The following RSPH9 variants were observed in gnomAD, a reference collection of about 807,000 sequenced individuals.
RSPH9 encodes radial spoke head protein 9 homolog.
In RSPH9, 27 loss-of-function variants were observed where a neutral mutation model predicts 27.0. That is an observed-to-expected ratio of 1.00 (90% CI 0.74 to 1.38). The LOEUF is 1.38. Ranked by LOEUF, RSPH9 falls within the 40% of genes most tolerant of loss-of-function variation. The probability of loss-of-function intolerance (pLI) is 0.00; values close to 1 mark genes in which losing one functional copy is unlikely to be tolerated. For synonymous variants in RSPH9, 145 were observed against 147.7 expected (o/e 0.98, Z 0.13); for missense variants, 347 against 357.4 (o/e 0.97, Z 0.24).
chr6:43,655,779 T>A, intron 3 of RSPH9, 88 bp downstream of exon 3: 1 of 1,459,368 alleles, frequency 6.9e-7, no homozygotes, highest in Non-Finnish European at 9.5e-7. Flanking sequence ...GCAGGGGGGC[T>A]TACACACTTT....
At chr6:43,670,673 C>G (rs879894467) in intron 4 of RSPH9, 116 bp from the exon 5 acceptor site, 1 of 796,006 alleles carries the variant, frequency 1.3e-6, no homozygotes, top group Non-Finnish European at 2.1e-6. Context: ...TGGTCTCTCC[C>G]CAGTGGAACC....
At chr6:43,646,710 C>A (rs1452852984) in intron 1 of RSPH9, among the ~76,000 whole-genome samples, 1 of 149,062 alleles carries the variant, frequency 6.7e-6, no homozygotes, top group East Asian at 2.0e-4. Context: ...CGCCTTTAAT[C>A]CCAGCACTTT....
intron 2 of RSPH9, among the ~76,000 whole-genome samples, chr6:43,652,091 C>T (rs774874148): frequency 5.3e-5 from 8 of 151,110 alleles, no homozygotes; most frequent in Admixed American, 2.0e-4. Context: ...TGGATCACGA[C>T]GTCAGGAGAT....
At chr6:43,667,658 G>A (rs9472105) in intron 4 of RSPH9, among the ~76,000 whole-genome samples, 5,941 of 152,144 alleles carry the variant, frequency 0.039, 407 homozygotes, top group African/African-American at 0.13. Flanking sequence ...GATTTGATAC[G>A]GGTCTGGCAG....
intron 1 of RSPH9, among the ~76,000 whole-genome samples, chr6:43,647,137 T>C (rs907864399): frequency 1.5e-5 from 2 of 135,498 alleles, no homozygotes; most frequent in Non-Finnish European, 3.5e-5. Flanking sequence ...TCAAAACAAA[T>C]AAATAAATAA....
intron 3 of RSPH9, among the ~76,000 whole-genome samples, chr6:43,656,124 C>T (rs1193256607): frequency 1.5e-5 from 2 of 137,838 alleles, no homozygotes; most frequent in Non-Finnish European, 3.1e-5. Context: ...TTGCTCTTGT[C>T]ATCCAGGCTG....
chr6:43,671,682 A>G lies in RSPH9; in HGVS notation c.*733A>G. Reference sequence around the variant, plus strand: ...TCGTGGTGGGGTGGGACAGGAGTATAGTTGTGGCCAAGGGCTTGTGAGTGG... The same window carrying G: ...TCGTGGTGGGGTGGGACAGGAGTATGGTTGTGGCCAAGGGCTTGTGAGTGG... On this transcript the variant is annotated 3_prime_UTR_variant, in exon 5 of 5. Coordinates refer to ENST00000372163, the MANE Select transcript of RSPH9 (RefSeq NM_152732.5). 1.3e-6 allele frequency: 2 copies of G among 1,537,162 alleles called. No individual in the cohort carries two copies. Among genetic ancestry groups the G allele is most frequent in the Non-Finnish European group, 1.8e-6 (2 of 1,113,936 alleles).
intron 4 of RSPH9, among the ~76,000 whole-genome samples, chr6:43,662,515 C>T (rs975191455): frequency 6.6e-6 from 1 of 151,976 alleles, no homozygotes; most frequent in Non-Finnish European, 1.5e-5. Flanking sequence ...TATAGGCGCC[C>T]GCCACCACGC....
intron 4 of RSPH9, among the ~76,000 whole-genome samples, chr6:43,668,261 G>A (rs1052166062): frequency 3.3e-5 from 5 of 152,174 alleles, no homozygotes; most frequent in African/African-American, 1.2e-4. Flanking sequence ...CAAGTGCTTG[G>A]CTCTTCAGGT....
At position 43,672,104 on chromosome 6, in the gene RSPH9, G is replaced by T; in HGVS notation, c.*1155G>T. On this transcript the variant is annotated 3_prime_UTR_variant, in exon 5 of 5. Coordinates refer to ENST00000372163, the MANE Select transcript of RSPH9 (RefSeq NM_152732.5). The stretch of plus-strand genomic sequence containing the variant: ...TAAACAGATGGGCTGGGCTCTTGCT[G>T]CCGCAAGCCTGTGTGGCCAGGTTCA... 1 of 661,094 alleles carries T rather than the reference G, an allele frequency of 1.5e-6. No homozygotes were observed. The highest frequency in any genetic ancestry group is 2.5e-6 in the Non-Finnish European group (1 of 393,000). 41.0% of individuals were successfully genotyped at this position (661,094 alleles called of 1,614,324 possible). A position where few individuals can be genotyped will look rare whatever the true frequency, so the allele number is the denominator to read the frequency against.
chr6:43,661,461 G>A (rs1288684155), intron 4 of RSPH9, among the ~76,000 whole-genome samples: 3 of 152,150 alleles, frequency 2.0e-5, no homozygotes, highest in Non-Finnish European at 2.9e-5. Flanking sequence ...AGGAGTTTGA[G>A]AGCAGCCTGG....
chr6:43,666,529 A>G, intron 4 of RSPH9: 1 of 1,525,110 alleles, frequency 6.6e-7, no homozygotes, highest in Non-Finnish European at 8.9e-7. Flanking sequence ...AGGTAGGCCA[A>G]CGACTCCGCA....
At chr6:43,657,523 T>C (rs746950556) in intron 4 of RSPH9, among the ~76,000 whole-genome samples, 2 of 152,182 alleles carry the variant, frequency 1.3e-5, no homozygotes, top group African/African-American at 2.4e-5. Context: ...ACTCCACAGT[T>C]CTGGCATGAA....
chr6:43,671,513 A>G lies in RSPH9; in HGVS notation c.*564A>G. 1 of 561,778 alleles carries G rather than the reference A, an allele frequency of 1.8e-6. No individual in the cohort carries two copies. The highest frequency in any genetic ancestry group is 3.2e-6 in the Non-Finnish European group (1 of 314,140). The allele number at this position is 561,778 out of a possible 1,614,324, so 34.8% of individuals were successfully genotyped here. A position where few individuals can be genotyped will look rare whatever the true frequency, so the allele number is the denominator to read the frequency against. On this transcript the variant is annotated 3_prime_UTR_variant, in exon 5 of 5. Transcript: ENST00000372163. ...GGCAAAACTCCTGTCCCCAGCACTGAGCATGGCCTAAGCCCCATAGCAGCT... is the reference window on the plus strand; with the variant it reads ...GGCAAAACTCCTGTCCCCAGCACTGGGCATGGCCTAAGCCCCATAGCAGCT...
rs556196504 is a variant in RSPH9, at chr6:43,664,390, C to T, written c.671-6399C>T. Reference sequence around the variant, plus strand: ...GGACTACAGGCGTGAGCCACTGCACCTGGCCTTATTATTAATTTTTTTAGT... The same window carrying T: ...GGACTACAGGCGTGAGCCACTGCACTTGGCCTTATTATTAATTTTTTTAGT... On this transcript the variant is annotated intron_variant, in intron 4 of 4. Transcript: ENST00000372163. 2.6e-5 allele frequency among the ~76,000 whole-genome samples: 4 copies of T among 152,326 alleles called. No individual in the cohort carries two copies. The South Asian group carries it at 8.3e-4, about 32-fold the overall frequency.
chr6:43,662,813 TA>T (rs1407065961), intron 4 of RSPH9, among the ~76,000 whole-genome samples: 1 of 152,200 alleles, frequency 6.6e-6, no homozygotes, highest in African/African-American at 2.4e-5. Flanking sequence ...TTTTTGGTTT[TA>T]GAGACAGGGT....
intron 1 of RSPH9, among the ~76,000 whole-genome samples, chr6:43,646,344 T>C (rs879855744): frequency 1.9e-4 from 28 of 150,578 alleles, no homozygotes; most frequent in Non-Finnish European, 3.0e-4. Context: ...CCGTGTTAGC[T>C]AGGATGGTCT....
chr6:43,652,172 G>T (rs1250147237), intron 2 of RSPH9, among the ~76,000 whole-genome samples: 2 of 151,362 alleles, frequency 1.3e-5, no homozygotes, highest in African/African-American at 4.8e-5. Flanking sequence ...CGGGTGTGGT[G>T]GTGGGCACCT....
chr6:43,661,121 T>C (rs1169733073), intron 4 of RSPH9, among the ~76,000 whole-genome samples: 1 of 152,224 alleles, frequency 6.6e-6, no homozygotes, highest in East Asian at 1.9e-4. Context: ...GTCTCAAAAG[T>C]GGGCTTAAAG....
Sources: allele counts gnomAD v4.1 joint callset (sites outside exome capture counted in the v4.1 genomes callset), GRCh38; gene constraint gnomAD v4.1.1; transcripts MANE v1.5; gene names NCBI Gene and HGNC (gene_info 2026-07-23, HGNC 2026-07-21).